Variants in NBEA observed in about 807,000 individuals in gnomAD.
NBEA encodes the protein lysosomal-trafficking regulator 2.
In NBEA, 44 loss-of-function variants were observed where a neutral mutation model predicts 343.4. That is an observed-to-expected ratio of 0.13 (90% confidence interval 0.10 to 0.16). The LOEUF (loss-of-function observed/expected upper bound fraction) is 0.16, where lower values mean the gene tolerates loss of function less well. Among genes scored for constraint, NBEA ranks in the 10% least tolerant of loss-of-function variants. The pLI, the probability that NBEA is intolerant of heterozygous loss-of-function variation, is 1.00. For synonymous variants in NBEA, 1,175 were observed against 1,238.7 expected, an observed-to-expected ratio of 0.95 and a Z score of 1.08; for missense variants, 2,555 against 3,631.3, an observed-to-expected ratio of 0.70 and a Z score of 7.62.
At chr13:35,012,755 T>G (rs1372758688) in intron 1 of NBEA, among the ~76,000 whole-genome samples, 1 of 152,246 alleles carries the variant, frequency 6.6e-6, no homozygotes, top group Non-Finnish European at 1.5e-5. Context: ...ATTGTTCTTT[T>G]TTACCTGGCT....
At chr13:35,645,093 G>A (rs974266604) in intron 49 of NBEA, among the ~76,000 whole-genome samples, 1 of 152,152 alleles carries the variant, frequency 6.6e-6, no homozygotes, top group African/African-American at 2.4e-5. Context: ...CAGTGTAGGA[G>A]GACAGATTTT....
intron 40 of NBEA, among the ~76,000 whole-genome samples, chr13:35,453,239 G>A (rs1190336210): frequency 6.6e-6 from 1 of 152,126 alleles, no homozygotes; most frequent in African/African-American, 2.4e-5. Flanking sequence ...ACTGGAGATA[G>A]CACATTATTC....
intron 30 of NBEA, among the ~76,000 whole-genome samples, chr13:35,190,247 G>A (rs1319388941): frequency 1.3e-5 from 2 of 152,010 alleles, no homozygotes; most frequent in African/African-American, 2.4e-5. Context: ...GCAACTGCTC[G>A]AAGTGACAGT....
At chr13:35,105,087 TA>T (rs1259635211) in intron 11 of NBEA, among the ~76,000 whole-genome samples, 1 of 151,976 alleles carries the variant, frequency 6.6e-6, no homozygotes, top group East Asian at 1.9e-4. Flanking sequence ...GTGTTTAGCA[TA>T]ACCCAAAGAG....
chr13:35,630,447 G>A (rs1221293890), intron 49 of NBEA, among the ~76,000 whole-genome samples: 1 of 152,028 alleles, frequency 6.6e-6, no homozygotes, highest in Non-Finnish European at 1.5e-5. Flanking sequence ...AGCATATGTT[G>A]GCATATTATA....
intron 12 of NBEA, 121 bp from the exon 13 acceptor site, chr13:35,110,689 T>A: frequency 1.6e-6 from 1 of 633,548 alleles, no homozygotes; most frequent in Non-Finnish European, 2.4e-6. Flanking sequence ...TTTAACCTCA[T>A]AATAAATGGT....
chr13:35,164,539 T>C, intron 24 of NBEA, 30 bp downstream of exon 24: 1 of 1,591,444 alleles, frequency 6.3e-7, no homozygotes, highest in African/African-American at 1.3e-5. Flanking sequence ...CTAGTGGTTA[T>C]ATTTTATAAA....
chr13:35,159,129 T>G lies in NBEA; in HGVS notation c.2958T>G (p.Gly986=), dbSNP rs777384110. 6.0e-5 allele frequency: 97 copies of G among 1,613,484 alleles called. No individual in the cohort carries two copies. The highest frequency in any genetic ancestry group is 7.5e-5 in the Non-Finnish European group (89 of 1,179,654). Residue 986 remains glycine, a synonymous_variant, in exon 22 of 59, where the codon GGT becomes GGG. Transcript: ENST00000379939. ...AAGGGAATGTGAGCACCATCTCTGG[T>G]CTTTCATCACAGACAACAGGAGCAA... ...GKKGNVSTIS[G]LSSQTTGAKG...
chr13:35,337,318 G>A (rs566056771), intron 36 of NBEA, among the ~76,000 whole-genome samples: 9 of 151,950 alleles, frequency 5.9e-5, no homozygotes, highest in Admixed American at 3.9e-4. Flanking sequence ...ATTTTAAAAC[G>A]TATTCCATAC....
intron 5 of NBEA, 97 bp from the exon 6 acceptor site, chr13:35,050,172 G>C: frequency 2.6e-6 from 3 of 1,159,730 alleles, no homozygotes; most frequent in Middle Eastern, 3.0e-4. Flanking sequence ...TACTGTACAG[G>C]GAAATAAGTT....
intron 39 of NBEA, among the ~76,000 whole-genome samples, chr13:35,446,902 G>A (rs1012858788): frequency 4.6e-5 from 7 of 151,956 alleles, no homozygotes; most frequent in African/African-American, 1.7e-4. Flanking sequence ...AGCATAAGCT[G>A]GTGAAAAGCT....
At chr13:34,958,964 A>G (rs2059579069) in intron 1 of NBEA, among the ~76,000 whole-genome samples, 1 of 152,092 alleles carries the variant, frequency 6.6e-6, no homozygotes, top group Non-Finnish European at 1.5e-5. Flanking sequence ...TTCTGTAAGG[A>G]TATCCTGTCC....
chr13:35,654,288 C>A (rs568832435), intron 53 of NBEA, among the ~76,000 whole-genome samples: 2 of 152,148 alleles, frequency 1.3e-5, no homozygotes, highest in South Asian at 2.1e-4. Flanking sequence ...CCCTGCTAGC[C>A]CTTTCTGGAA....
intron 45 of NBEA, among the ~76,000 whole-genome samples, chr13:35,571,294 G>A (rs2080402504): frequency 6.6e-6 from 1 of 152,154 alleles, no homozygotes; most frequent in East Asian, 1.9e-4. Flanking sequence ...TGTATCAGTT[G>A]GGAAACTTCT....
At chr13:35,503,872 T>A (rs577190426) in intron 41 of NBEA, among the ~76,000 whole-genome samples, 3 of 152,164 alleles carry the variant, frequency 2.0e-5, no homozygotes, top group Admixed American at 6.5e-5. Context: ...TTCTTCGTGC[T>A]CTATAGCTTG....
At chr13:35,560,044 A>G (rs572316097) in intron 44 of NBEA, among the ~76,000 whole-genome samples, 1 of 152,184 alleles carries the variant, frequency 6.6e-6, no homozygotes, top group Non-Finnish European at 1.5e-5. Flanking sequence ...ACATTGTTCT[A>G]AGGACTTTAT....
intron 10 of NBEA, among the ~76,000 whole-genome samples, chr13:35,083,642 C>T (rs2064553178): frequency 1.3e-5 from 2 of 152,052 alleles, no homozygotes; most frequent in Non-Finnish European, 1.5e-5. Flanking sequence ...TGGTACCAGC[C>T]ACTGCAAAAA....
At chr13:34,969,572 C>G (rs1195567049) in intron 1 of NBEA, among the ~76,000 whole-genome samples, 1 of 151,864 alleles carries the variant, frequency 6.6e-6, no homozygotes, top group Non-Finnish European at 1.5e-5. Flanking sequence ...TCCGATAGGC[C>G]CAGTGTGTGT....
chr13:35,436,840 A>T, intron 39 of NBEA, among the ~76,000 whole-genome samples: 1 of 152,356 alleles, frequency 6.6e-6, no homozygotes, highest in East Asian at 1.9e-4. Flanking sequence ...GTACAAAAGA[A>T]CATTTTATAG....
Sources: allele counts gnomAD v4.1 joint callset (sites outside exome capture counted in the v4.1 genomes callset), GRCh38; gene constraint gnomAD v4.1.1; transcripts MANE v1.5; gene names NCBI Gene and HGNC (gene_info 2026-07-23, HGNC 2026-07-21).